Variants in DCN observed in about 807,000 individuals in gnomAD.
DCN encodes the protein decorin, also known as bone proteoglycan II.
Under a neutral mutation model 36.5 loss-of-function variants are expected in DCN, and 17 were observed. That is an observed-to-expected ratio of 0.47 (90% confidence interval 0.32 to 0.70). The LOEUF is 0.70. Among genes scored for constraint, DCN ranks in the 30% least tolerant of loss-of-function variants. The pLI is 0.04. For missense variants in DCN, 389 were observed against 430.1 expected (o/e 0.90, Z 0.84); for synonymous variants, 163 against 161.4 (o/e 1.01, Z -0.07).
chr12:91,146,221 A>G lies in DCN; in HGVS notation c.917T>C (p.Val306Ala), dbSNP rs73358055. 8.0e-4 allele frequency: 1,297 copies of G among 1,611,946 alleles called. 7 individuals are homozygous for G. In the African/African-American group the frequency reaches 0.016, roughly 19 times the overall value. Residue 306 changes from valine (V) to alanine (A), a missense_variant, in exon 8 of 8, where the codon GTA (valine) becomes GCA (alanine). Physicochemically the swap from Val to Ala is moderately conservative, Grantham distance 64 (BLOSUM62 0). Coordinates refer to ENST00000052754, the MANE Select transcript of DCN (RefSeq NM_001920.5). Reference protein sequence around the residue: ...VVYLHNNNISVVGSSDFCPPG... With the variant: ...VVYLHNNNISAVGSSDFCPPG... Reference sequence around the variant, plus strand: ...TGGGCAGAAGTCACTTGATCCAACTACAGAGATATTGTTGTTATGAAGGTA... The same window carrying G: ...TGGGCAGAAGTCACTTGATCCAACTGCAGAGATATTGTTGTTATGAAGGTA...
chr12:91,163,554 T>C (rs1169761867), intron 3 of DCN, among the ~76,000 whole-genome samples: 1 of 152,114 alleles, frequency 6.6e-6, no homozygotes, highest in Non-Finnish European at 1.5e-5. Flanking sequence ...CCTTTGCAAA[T>C]AGAGGTTTCA....
Position 91,177,384 on chromosome 12 carries a change from G to A in DCN, c.211+958C>T. 2 of 566,186 alleles carry A rather than the reference G, an allele frequency of 3.5e-6. 1 individual carries two copies. The highest frequency in any genetic ancestry group is 4.7e-5 in the South Asian group (2 of 42,998). The allele number at this position is 566,186 out of a possible 1,614,324, so 35.1% of individuals were successfully genotyped here. A position where few individuals can be genotyped will look rare whatever the true frequency, so the allele number is the denominator to read the frequency against. ...CTGAGTAAATATAGGACTTCTGAAA[G>A]AAGTGCCTGATCATAGTATGGAATT... On this transcript the variant is annotated intron_variant, in intron 2 of 7. Coordinates refer to ENST00000052754, the MANE Select transcript of DCN (RefSeq NM_001920.5).
chr12:91,182,022 T>A (rs763290028), intron 1 of DCN, among the ~76,000 whole-genome samples: 1 of 152,124 alleles, frequency 6.6e-6, no homozygotes, highest in Non-Finnish European at 1.5e-5. Flanking sequence ...GAATGTATCT[T>A]AAAATTTCAC....
At chr12:91,174,551 G>A (rs553547790) in intron 2 of DCN, among the ~76,000 whole-genome samples, 1 of 152,138 alleles carries the variant, frequency 6.6e-6, no homozygotes, top group Non-Finnish European at 1.5e-5. Context: ...TGCCTGAAAT[G>A]GTAAGTGAAA....
chr12:91,179,739 T>TA (rs1482903882), intron 1 of DCN: 1 of 152,050 alleles, frequency 6.6e-6, no homozygotes, highest in Non-Finnish European at 1.5e-5. Flanking sequence ...ATTTCTGATA[T>TA]AAAAAAAGCA....
At position 91,142,739 on chromosome 12, in the gene DCN, A is replaced by G. The variant is rs999133227; in HGVS notation, c.*3319T>C. 1.2e-4 allele frequency: 19 copies of G among 152,232 alleles called. No homozygotes were observed. The highest frequency in any genetic ancestry group is 4.3e-4 in the African/African-American group (18 of 41,474). 9.4% of individuals were successfully genotyped at this position (152,232 alleles called of 1,614,324 possible). A position where few individuals can be genotyped will look rare whatever the true frequency, so the allele number is the denominator to read the frequency against. On this transcript the variant is annotated 3_prime_UTR_variant, in exon 8 of 8. Coordinates refer to ENST00000052754, the MANE Select transcript of DCN (RefSeq NM_001920.5). Reference sequence around the variant, plus strand: ...TGGCCTAGGCTAGCATAAATGTACAACAGAGGCCTTTCCAACCAGGAGGGG... The same window carrying G: ...TGGCCTAGGCTAGCATAAATGTACAGCAGAGGCCTTTCCAACCAGGAGGGG...
chr12:91,177,506 T>A (rs1294803781), intron 2 of DCN: 1 of 687,008 alleles, frequency 1.5e-6, no homozygotes, highest in Non-Finnish European at 2.6e-6. Flanking sequence ...AAAGGAGGAA[T>A]GTGAATGAGC....
intron 7 of DCN, among the ~76,000 whole-genome samples, chr12:91,149,393 GA>G (rs1173933454): frequency 6.6e-6 from 1 of 152,036 alleles, no homozygotes. Flanking sequence ...AAACATGTAA[GA>G]AAAAAATTCA....
At chr12:91,169,391 A>AAAAC (rs1882791913) in intron 2 of DCN, among the ~76,000 whole-genome samples, 4 of 151,424 alleles carry the variant, frequency 2.6e-5, no homozygotes, top group Admixed American at 6.6e-5. Flanking sequence ...AAAAAAAAAA[A>AAAAC]AAAAAAAAAA....
intron 3 of DCN, 123 bp downstream of exon 3, chr12:91,164,478 AGGTG>A: frequency 4.5e-6 from 2 of 445,410 alleles, no homozygotes; most frequent in South Asian, 4.5e-5. Flanking sequence ...AAAAAAAAAA[AGGTG>A]AAGTTAATAA....
Position 91,178,356 on chromosome 12 carries a change from T to C in DCN, c.197A>G (p.Gln66Arg). ...FRCQCHLRVV[Q>R]CSDLGLDKVP... Reference sequence around the variant, plus strand: ...ATCCCACTCACCCAAATCAGAACACTGGACCACTCGAAGATGGCATTGACA... The same window carrying C: ...ATCCCACTCACCCAAATCAGAACACCGGACCACTCGAAGATGGCATTGACA... The change falls in exon 2 of 8, where the codon CAG becomes CGG. Residue 66 changes from glutamine to arginine, a missense_variant. By Grantham distance (43) the Gln-to-Arg change is conservative. Coordinates refer to ENST00000052754, the MANE Select transcript of DCN (RefSeq NM_001920.5). 6.2e-7 allele frequency: 1 copy of C among 1,613,784 alleles called. No individual in the cohort carries two copies. Among genetic ancestry groups the C allele is most frequent in the Non-Finnish European group, 8.5e-7 (1 of 1,179,878 alleles).
At position 91,144,163 on chromosome 12, in the gene DCN, A is replaced by C. The variant is rs745451229; in HGVS notation, c.*1895T>G. 9 of 152,270 alleles carry C rather than the reference A, an allele frequency of 5.9e-5. No homozygotes were observed. Among genetic ancestry groups the C allele is most frequent in the Admixed American group, 4.6e-4 (7 of 15,274 alleles). The allele number at this position is 152,270 out of a possible 1,614,324, so 9.4% of individuals were successfully genotyped here. A position where few individuals can be genotyped will look rare whatever the true frequency, so the allele number is the denominator to read the frequency against. Reference sequence around the variant, plus strand: ...TATATCATTCAAGGCTATAACATGGAGTGTGCATCATTGAAGGCTACAACA... The same window carrying C: ...TATATCATTCAAGGCTATAACATGGCGTGTGCATCATTGAAGGCTACAACA... On this transcript the variant is annotated 3_prime_UTR_variant, in exon 8 of 8. Transcript: ENST00000052754.
intron 2 of DCN, chr12:91,177,480 A>G (rs972349462): frequency 1.1e-5 from 7 of 661,378 alleles, no homozygotes; most frequent in Non-Finnish European, 5.4e-6. Context: ...CTCCAGTAAG[A>G]AAATACACCC....
chr12:91,151,245 G>A (rs549070502), intron 7 of DCN: 2 of 209,344 alleles, frequency 9.6e-6, no homozygotes, highest in East Asian at 2.7e-4. Flanking sequence ...ATGTCAAAAA[G>A]AATCAGGAGC....
rs190226009 is a variant in DCN at position 91,152,968 on chromosome 12, T to C, written c.746+128A>G. 610 of 665,726 alleles carry C rather than the reference T, an allele frequency of 9.2e-4. 3 individuals are homozygous for C. The highest frequency in any genetic ancestry group is 3.4e-3 in the Middle Eastern group (11 of 3,260). 41.2% of individuals were successfully genotyped at this position (665,726 alleles called of 1,614,324 possible). On this transcript the variant is annotated intron_variant, in intron 6 of 7. Coordinates refer to ENST00000052754, the MANE Select transcript of DCN (RefSeq NM_001920.5). ...TTGGATATGCTGAAGTTTGAGATTA[T>C]AGAAACAACAACAGCAGTGAAATGT...
At chr12:91,161,257 C>T (rs1882136089) in intron 3 of DCN, among the ~76,000 whole-genome samples, 1 of 152,046 alleles carries the variant, frequency 6.6e-6, no homozygotes, top group South Asian at 2.1e-4. Context: ...TTACAAATGC[C>T]AGATTTAATG....
At chr12:91,156,432 T>C (rs1289767251) in intron 5 of DCN, among the ~76,000 whole-genome samples, 1 of 152,216 alleles carries the variant, frequency 6.6e-6, no homozygotes, top group African/African-American at 2.4e-5. Context: ...AACAACTCAA[T>C]GAAGTGGATA....
rs547188166 is a variant in DCN at position 91,153,474 on chromosome 12, C to T, written c.653-285G>A. ...CTTGGAATAGAAGAACTGAAGTCAA[C>T]GCTGAGTCTCATTATTCTCTTCCAC... On this transcript the variant is annotated intron_variant, in intron 5 of 7. Coordinates refer to ENST00000052754, the MANE Select transcript of DCN (RefSeq NM_001920.5). Among the ~76,000 whole-genome samples the T allele has an allele frequency of 2.6e-5, 4 of 152,074 alleles. No homozygotes were observed. The South Asian group carries it at 8.3e-4, about 32-fold the overall frequency.
chr12:91,161,843 T>G (rs1415380720), intron 3 of DCN, among the ~76,000 whole-genome samples: 1 of 152,198 alleles, frequency 6.6e-6, no homozygotes, highest in Non-Finnish European at 1.5e-5. Flanking sequence ...GCCTAATTTT[T>G]TCTTTTACTT....
Sources: gnomAD v4.1 joint callset for allele counts (sites outside exome capture counted in the v4.1 genomes callset) on GRCh38, gnomAD v4.1.1 for gene constraint, MANE v1.5 for transcripts, NCBI Gene and HGNC (gene_info 2026-07-23, HGNC 2026-07-21) for gene names.